Variants in ZBP1 observed in about 807,000 individuals in gnomAD.
ZBP1 encodes the protein Z-DNA-binding protein 1.
Under a neutral mutation model 41.1 loss-of-function variants are expected in ZBP1, and 42 were observed. The ratio of observed to expected loss-of-function variants is 1.02; its 90% CI spans 0.80 to 1.32. The LOEUF (loss-of-function observed/expected upper bound fraction) is 1.32. ZBP1 is among the 40% of genes most tolerant of loss of function. The pLI, the probability that ZBP1 is intolerant of heterozygous loss-of-function variation, is 0.00. For missense variants in ZBP1, 562 were observed against 549.7 expected (o/e 1.02, Z -0.22); for synonymous variants, 214 against 205.2 (o/e 1.04, Z -0.37).
chr20:57,618,651 G>A (rs560354667), intron 1 of ZBP1, among the ~76,000 whole-genome samples: 57 of 151,742 alleles, frequency 3.8e-4, no homozygotes, highest in Admixed American at 5.9e-4. Flanking sequence ...GTGTGATCTC[G>A]GCTCACTGCA....
chr20:57,616,812 G>C, intron 1 of ZBP1: 1 of 308,228 alleles, frequency 3.2e-6, no homozygotes, highest in Non-Finnish European at 6.2e-6. Context: ...AGGGCAGAAG[G>C]ACGGAGCCAG....
intron 4 of ZBP1, among the ~76,000 whole-genome samples, chr20:57,614,027 A>AATTTT (rs995760650): frequency 5.3e-5 from 8 of 152,094 alleles, no homozygotes; most frequent in African/African-American, 1.9e-4. Context: ...TGGATTTTTA[A>AATTTT]ATTTTATTTT....
intron 5 of ZBP1, among the ~76,000 whole-genome samples, chr20:57,612,415 G>T (rs1440430138): frequency 3.3e-5 from 5 of 152,180 alleles, no homozygotes; most frequent in Non-Finnish European, 7.4e-5. Context: ...TCAGACATGG[G>T]TATGGCCAGA....
chr20:57,613,280 G>A lies in ZBP1; in HGVS notation c.553C>T (p.Pro185Ser), dbSNP rs749251072. 6.2e-7 allele frequency: 1 copy of A among 1,614,232 alleles called. No homozygotes were observed. Residue 185 changes from proline (P) to serine (S), a missense_variant, in exon 5 of 8, where the codon CCA becomes TCA. By Grantham distance (74) the Pro-to-Ser change is moderately conservative. Coordinates refer to ENST00000371173, the MANE Select transcript of ZBP1 (RefSeq NM_030776.3). This position sits in a 1 kb window ranked among gnomAD's most constrained non-coding sequence, Gnocchi z 4.5. ...CCATTCTGGCAGATCATGTTGATTG[G>A]ATTGTGCTGGTAAATAATTGAGGCT... ...KSASIIYQHNPINMICQNGPN... is the reference protein window; with the variant it reads ...KSASIIYQHNSINMICQNGPN...
chr20:57,620,352 T>G lies in ZBP1; in HGVS notation c.-57A>C, dbSNP rs2146607247. Reference sequence around the variant, plus strand: ...TTGGCAGGTGTGCAGGCTTCTGCACTGTGGCCCTGAGAGGGTGGGCTAGGT... The same window carrying G: ...TTGGCAGGTGTGCAGGCTTCTGCACGGTGGCCCTGAGAGGGTGGGCTAGGT... On this transcript the variant is annotated 5_prime_UTR_variant, in exon 1 of 8. Coordinates refer to ENST00000371173, the MANE Select transcript of ZBP1 (RefSeq NM_030776.3). 1.9e-6 allele frequency: 3 copies of G among 1,553,402 alleles called. No individual in the cohort carries two copies. The South Asian group carries it at 3.6e-5, about 18-fold the overall frequency.
Position 57,616,644 on chromosome 20 carries a change from G to A in ZBP1, c.35-176C>T, listed in dbSNP as rs912115422. On this transcript the variant is annotated intron_variant, in intron 1 of 7. Transcript: ENST00000371173. ...TAAGAGCAGTAGGGCAGCTGCATCT[G>A]CCCAGAGGGAGGCATGCAGGCTGAT... 7 of 640,788 alleles carry A rather than the reference G, an allele frequency of 1.1e-5. No homozygotes were observed. The African/African-American group carries it at 1.3e-4, about 12-fold the overall frequency. 39.7% of individuals were successfully genotyped at this position (640,788 alleles called of 1,614,324 possible).
chr20:57,612,031 A>G, intron 5 of ZBP1, 101 bp from the exon 6 acceptor site: 2 of 1,287,996 alleles, frequency 1.6e-6, no homozygotes, highest in African/African-American at 1.5e-5. Context: ...CTTCCTGGAC[A>G]CCATCGAACT....
rs190173375 is a variant in ZBP1 at position 57,619,795 on chromosome 20, C to T, written c.34+467G>A. On this transcript the variant is annotated intron_variant, in intron 1 of 7. Transcript: ENST00000371173. ...AGCATGTTTCGAGGTGCCTGGGGCA[C>T]AGTCAGCTGTCAAAGGGGGATGGCT... Among the ~76,000 whole-genome samples the T allele has an allele frequency of 3.8e-3, 583 of 151,508 alleles. 2 individuals carry two copies. The highest frequency in any genetic ancestry group is 6.0e-3 in the Non-Finnish European group (410 of 67,950).
chr20:57,615,980 A>G, intron 2 of ZBP1: 3 of 561,822 alleles, frequency 5.3e-6, no homozygotes, highest in South Asian at 2.2e-5. Context: ...ATGATTTTCT[A>G]TTATAATTGT....
intron 1 of ZBP1, among the ~76,000 whole-genome samples, chr20:57,619,956 C>A (rs2070958490): frequency 6.6e-6 from 1 of 152,112 alleles, no homozygotes; most frequent in Non-Finnish European, 1.5e-5. Context: ...CCAGCCTCAG[C>A]ATCCCGAGTA....
Position 57,610,389 on chromosome 20 carries a change from G to C in ZBP1, c.875-22C>G. 6.2e-7 allele frequency: 1 copy of C among 1,612,762 alleles called. No homozygotes were observed. The highest frequency in any genetic ancestry group is 1.1e-5 in the South Asian group (1 of 91,050). ...GAGACTGTGGGTCAAAGGGAGAGAGGCCTGGAGCCAGGAGCAGCTGGACAG... is the reference window on the plus strand; with the variant it reads ...GAGACTGTGGGTCAAAGGGAGAGAGCCCTGGAGCCAGGAGCAGCTGGACAG... On this transcript the variant is annotated intron_variant, in intron 6 of 7. Coordinates refer to ENST00000371173, the MANE Select transcript of ZBP1 (RefSeq NM_030776.3). This position sits in a 1 kb window ranked among gnomAD's most constrained non-coding sequence, Gnocchi z 5.5.
rs962996637 is a variant in ZBP1 at position 57,613,912 on chromosome 20, C to T, written c.503-582G>A. On this transcript the variant is annotated intron_variant, in intron 4 of 7. Transcript: ENST00000371173. This position sits in a 1 kb window ranked among gnomAD's most constrained non-coding sequence, Gnocchi z 4.5. The stretch of plus-strand genomic sequence containing the variant: ...GAGGCAGGCACCTGCCCAGACTGTG[C>T]GGGGCCCATCACCACCCTCCAGGGT... Among the ~76,000 whole-genome samples, 11 of 151,608 alleles carry T rather than the reference C, an allele frequency of 7.3e-5. No individual in the cohort carries two copies. The highest frequency in any genetic ancestry group is 2.1e-4 in the South Asian group (1 of 4,752).
Position 57,616,325 on chromosome 20 carries a change from G to C in ZBP1, c.178C>G (p.Leu60Val), listed in dbSNP as rs2070826725. The change falls in exon 2 of 8, where the codon CTC becomes GTC. Residue 60 changes from leucine (L) to valine (V), a missense_variant. Transcript: ENST00000371173. ...AAGCACCAGGTGGCAGGGGATGTGA[G>C]GGAGACTTTCAACTCCTTTTTCATT... ...YRMKKELKVS[L>V]TSPATWCLGG... 1 of 1,614,062 alleles carries C rather than the reference G, an allele frequency of 6.2e-7. No homozygotes were observed. The highest frequency in any genetic ancestry group is 1.1e-5 in the South Asian group (1 of 91,086).
chr20:57,605,587 T>G (rs1440330400), intron 7 of ZBP1, among the ~76,000 whole-genome samples: 1 of 152,166 alleles, frequency 6.6e-6, no homozygotes, highest in African/African-American at 2.4e-5. Context: ...CTCCCTCTCC[T>G]CAGGCCTCCC....
chr20:57,611,814 G>T lies in ZBP1; in HGVS notation c.787C>A (p.Arg263=). The change falls in exon 6 of 8, where the codon CGG becomes AGG. Residue 263 remains arginine (R), a synonymous_variant. Transcript: ENST00000371173. ...TCATTGCTGTGTCCCAGCTGCACCC[G>T]TCTCAGTATGGACTGCTCCATGTGG... is the stretch of plus-strand genomic sequence containing the variant. The part of the protein sequence containing the change: ...DIHMEQSILR[R]VQLGHSNEMR... 6.2e-7 allele frequency: 1 copy of T among 1,611,358 alleles called. No individual in the cohort carries two copies. The highest frequency in any genetic ancestry group is 1.3e-5 in the African/African-American group (1 of 75,004).
intron 7 of ZBP1, among the ~76,000 whole-genome samples, chr20:57,609,235 G>A (rs2070581214): frequency 6.6e-6 from 1 of 152,162 alleles, no homozygotes; most frequent in Admixed American, 6.5e-5. Flanking sequence ...CTCTCCAGCT[G>A]CCCCCACCCG....
At chr20:57,612,148 G>T (rs1316941407) in intron 5 of ZBP1, among the ~76,000 whole-genome samples, 1 of 152,062 alleles carries the variant, frequency 6.6e-6, no homozygotes, top group Admixed American at 6.6e-5. Flanking sequence ...CCTGGGTGTT[G>T]CAGGGACACT....
intron 7 of ZBP1, among the ~76,000 whole-genome samples, chr20:57,606,581 A>G (rs552367754): frequency 1.3e-5 from 2 of 152,252 alleles, no homozygotes; most frequent in Non-Finnish European, 2.9e-5. Flanking sequence ...GGAGATGTCA[A>G]TGCCTGGCTT....
intron 7 of ZBP1, chr20:57,607,376 C>T (rs1024908370): frequency 7.8e-5 from 96 of 1,223,862 alleles, no homozygotes; most frequent in Non-Finnish European, 9.7e-5. Context: ...TTGCTGCAAT[C>T]TCATGAGAAA....
Sources: allele counts gnomAD v4.1 joint callset (sites outside exome capture counted in the v4.1 genomes callset), GRCh38; gene constraint gnomAD v4.1.1; non-coding constraint Gnocchi (gnomAD v3.1); transcripts MANE v1.5; gene names NCBI Gene and HGNC (gene_info 2026-07-23, HGNC 2026-07-21).